The following PTPRD variants were observed in gnomAD, a reference collection of about 807,000 sequenced individuals.
The protein encoded by PTPRD is protein tyrosine phosphatase receptor type D, also known as receptor-type tyrosine-protein phosphatase delta.
PTPRD carries 34 observed loss-of-function variants against 214.5 expected under a neutral mutation model. That is an observed-to-expected ratio of 0.16 (90% CI 0.12 to 0.21). The LOEUF is 0.21. Ranked by LOEUF, PTPRD falls within the 10% of genes least tolerant of loss-of-function variation. The pLI, the probability that PTPRD is intolerant of heterozygous loss-of-function variation, is 1.00. For synonymous variants in PTPRD, 1,128 were observed against 845.7 expected (o/e 1.33, Z -5.79); for missense variants, 2,545 against 2,398.7 (o/e 1.06, Z -1.27).
At chr9:9,699,603 G>A (rs555580169) in intron 7 of PTPRD, among the ~76,000 whole-genome samples, 10 of 152,174 alleles carry the variant, frequency 6.6e-5, no homozygotes, top group South Asian at 2.1e-4. Flanking sequence ...ATCCCATTTC[G>A]GAAAATGCTC....
intron 3 of PTPRD, among the ~76,000 whole-genome samples, chr9:10,270,457 T>C (rs933489570): frequency 4.6e-5 from 7 of 152,296 alleles, no homozygotes; most frequent in Admixed American, 1.3e-4. Flanking sequence ...ATATTTTTGC[T>C]TCCTATAATT....
At chr9:8,456,397 C>A (rs2096204001) in intron 33 of PTPRD, among the ~76,000 whole-genome samples, 2 of 151,988 alleles carry the variant, frequency 1.3e-5, no homozygotes, top group Admixed American at 1.3e-4. Flanking sequence ...TAGGTAGCAT[C>A]CTAGCTTACT....
intron 8 of PTPRD, among the ~76,000 whole-genome samples, chr9:9,437,858 A>G (rs2085945035): frequency 6.6e-6 from 1 of 152,194 alleles, no homozygotes; most frequent in Non-Finnish European, 1.5e-5. Context: ...TTGTTTACTC[A>G]TTTCAAGTAT....
chr9:8,880,454 A>C (rs1389027102), intron 11 of PTPRD, among the ~76,000 whole-genome samples: 1 of 151,912 alleles, frequency 6.6e-6, no homozygotes, highest in Non-Finnish European at 1.5e-5. Flanking sequence ...CATACGATCA[A>C]CTCCTCCTTA....
At chr9:8,525,466 G>C (rs2073858105) in intron 17 of PTPRD, among the ~76,000 whole-genome samples, 1 of 152,028 alleles carries the variant, frequency 6.6e-6, no homozygotes, top group Admixed American at 6.6e-5. Context: ...GGGTTTTCAA[G>C]AAAGTCTTCT....
At chr9:9,751,176 T>TA (rs34108090) in intron 6 of PTPRD, among the ~76,000 whole-genome samples, 167 of 150,072 alleles carry the variant, frequency 1.1e-3, no homozygotes, top group African/African-American at 3.8e-3. Context: ...GTATTGAACT[T>TA]AAAAAAAATA....
intron 2 of PTPRD, among the ~76,000 whole-genome samples, chr9:10,525,351 G>A (rs903912873): frequency 1.3e-5 from 2 of 152,032 alleles, no homozygotes; most frequent in Non-Finnish European, 2.9e-5. Context: ...AAGAATGGCA[G>A]AGAATTTTCA....
At chr9:9,486,508 C>CT (rs377577876) in intron 8 of PTPRD, among the ~76,000 whole-genome samples, 5 of 151,348 alleles carry the variant, frequency 3.3e-5, no homozygotes, top group East Asian at 1.9e-4. Flanking sequence ...CACTCTTATG[C>CT]TTTTTTTTTC....
chr9:8,615,726 T>C (rs1402506907), intron 14 of PTPRD, among the ~76,000 whole-genome samples: 1 of 151,944 alleles, frequency 6.6e-6, no homozygotes, highest in Non-Finnish European at 1.5e-5. Context: ...AGGAAAAAAA[T>C]TGATTTGACA....
At chr9:10,535,928 C>G (rs1025515872) in intron 2 of PTPRD, among the ~76,000 whole-genome samples, 2 of 152,144 alleles carry the variant, frequency 1.3e-5, no homozygotes, top group Non-Finnish European at 2.9e-5. Context: ...GTATGCTTGT[C>G]TTAATACTCG....
chr9:10,571,481 T>C (rs1400444404), intron 2 of PTPRD, among the ~76,000 whole-genome samples: 1 of 152,154 alleles, frequency 6.6e-6, no homozygotes, highest in African/African-American at 2.4e-5. Context: ...AAACTAGCTT[T>C]CGGAATGAGA....
chr9:9,626,616 G>C (rs942372001), intron 7 of PTPRD, among the ~76,000 whole-genome samples: 1 of 152,212 alleles, frequency 6.6e-6, no homozygotes, highest in Non-Finnish European at 1.5e-5. Context: ...AAGTTTCACA[G>C]AGTCAGGTAT....
chr9:9,561,641 T>G, intron 8 of PTPRD, among the ~76,000 whole-genome samples: 1 of 152,280 alleles, frequency 6.6e-6, no homozygotes, highest in East Asian at 1.9e-4. Flanking sequence ...GCATTTAGGT[T>G]TAAGCCTTAA....
intron 4 of PTPRD, among the ~76,000 whole-genome samples, chr9:9,947,169 AATGAG>A (rs1383327372): frequency 4.7e-5 from 7 of 147,562 alleles, no homozygotes; most frequent in African/African-American, 1.8e-4. Flanking sequence ...TATTCAGTAC[AATGAG>A]TAGTTCAGCT....
chr9:8,838,995 C>G (rs974078483), intron 11 of PTPRD, among the ~76,000 whole-genome samples: 2 of 152,062 alleles, frequency 1.3e-5, no homozygotes, highest in Admixed American at 1.3e-4. Flanking sequence ...AAGTAAGACT[C>G]ATAAATGTAC....
At chr9:9,571,843 C>G (rs935177283) in intron 8 of PTPRD, among the ~76,000 whole-genome samples, 1 of 150,856 alleles carries the variant, frequency 6.6e-6, no homozygotes, top group South Asian at 2.1e-4. Context: ...AACATTAAAA[C>G]ATATACAGAG....
In PTPRD at chr9:8,440,842, C is replaced by G. The variant is rs576297606; in HGVS notation, c.3989-4153G>C. On this transcript the variant is annotated intron_variant, in intron 34 of 45. Coordinates refer to ENST00000381196, the MANE Select transcript of PTPRD (RefSeq NM_002839.4). ...AAACTTTAAAATCATGGCATTTTAA[C>G]CTGAGAGGCACCTTAGAGATGACTT... 2.6e-5 allele frequency among the ~76,000 whole-genome samples: 4 copies of G among 152,212 alleles called. 1 individual carries two copies. In the South Asian group the frequency reaches 8.3e-4, roughly 32 times the overall value.
intron 10 of PTPRD, among the ~76,000 whole-genome samples, chr9:9,050,678 G>T (rs1197645076): frequency 2.0e-5 from 2 of 100,128 alleles, no homozygotes; most frequent in Admixed American, 1.2e-4. Context: ...ATGCATCCAT[G>T]CTATACATGC....
intron 5 of PTPRD, among the ~76,000 whole-genome samples, chr9:9,839,791 G>T (rs926223716): frequency 2.6e-5 from 4 of 152,040 alleles, no homozygotes; most frequent in Admixed American, 6.6e-5. Flanking sequence ...CACGCTACCT[G>T]ATTTCAAACT....
Sources: allele counts gnomAD v4.1 joint callset (sites outside exome capture counted in the v4.1 genomes callset), GRCh38; gene constraint gnomAD v4.1.1; transcripts MANE v1.5; gene names NCBI Gene and HGNC (gene_info 2026-07-23, HGNC 2026-07-21).